CNBD1: variants seen among roughly 807,000 people sequenced by gnomAD.
The protein encoded by CNBD1 is cyclic nucleotide binding domain containing 1, also known as cyclic nucleotide-binding domain-containing protein 1.
A neutral mutation model predicts 54.4 loss-of-function variants in CNBD1; 71 were observed. That is an observed-to-expected ratio of 1.30 (90% CI 1.08 to 1.59). The LOEUF is 1.59. Among genes scored for constraint, CNBD1 ranks in the 40% most tolerant of loss-of-function variants. The pLI, the probability that CNBD1 is intolerant of heterozygous loss-of-function variation, is 0.00. For synonymous variants in CNBD1, 182 were observed against 170.7 expected, an observed-to-expected ratio of 1.07 and a Z score of -0.51; for missense variants, 659 against 518.0, an observed-to-expected ratio of 1.27 and a Z score of -2.64.
chr8:87,298,420 C>G (rs13250066), intron 8 of CNBD1, among the ~76,000 whole-genome samples: 55,677 of 151,382 alleles, frequency 0.37, 10,583 homozygotes, highest in Middle Eastern at 0.45. Flanking sequence ...TCACTACACC[C>G]TGACCCATTG....
chr8:87,405,679 C>A (rs1310560879), intron 2 of CNBD1, among the ~76,000 whole-genome samples: 1 of 152,090 alleles, frequency 6.6e-6, no homozygotes, highest in Non-Finnish European at 1.5e-5. Context: ...ATTATTCATA[C>A]TGTGTACTCT....
chr8:87,406,012 T>C (rs1313699376), intron 2 of CNBD1, among the ~76,000 whole-genome samples: 1 of 152,168 alleles, frequency 6.6e-6, no homozygotes, highest in Non-Finnish European at 1.5e-5. Flanking sequence ...ATTCTCAATA[T>C]ATTTCTCTAT....
intron 4 of CNBD1, among the ~76,000 whole-genome samples, chr8:87,145,339 T>C (rs1284865613): frequency 6.6e-6 from 1 of 152,156 alleles, no homozygotes; most frequent in African/African-American, 2.4e-5. Context: ...TTTGTACCTG[T>C]CAAAAATATC....
At chr8:87,109,544 T>TTTC (rs1563472144) in intron 4 of CNBD1, among the ~76,000 whole-genome samples, 8 of 139,292 alleles carry the variant, frequency 5.7e-5, no homozygotes, top group African/African-American at 1.8e-4. Context: ...TTCTTTCTTT[T>TTTC]TTTTTTTTTT....
At chr8:87,365,120 A>T (rs1172415092) in intron 10 of CNBD1, among the ~76,000 whole-genome samples, 5 of 152,094 alleles carry the variant, frequency 3.3e-5, no homozygotes, top group Non-Finnish European at 2.9e-5. Context: ...ACAGTGTATA[A>T]GTGTCCCCTT....
intron 2 of CNBD1, among the ~76,000 whole-genome samples, chr8:87,399,345 G>C (rs1026376034): frequency 1.3e-5 from 2 of 151,916 alleles, no homozygotes; most frequent in Non-Finnish European, 1.5e-5. Context: ...AATGATTTAG[G>C]GTCACTAGGA....
At chr8:87,186,113 C>G (rs1317524417) in intron 4 of CNBD1, among the ~76,000 whole-genome samples, 1 of 151,992 alleles carries the variant, frequency 6.6e-6, no homozygotes, top group Non-Finnish European at 1.5e-5. Flanking sequence ...ACTTGTTAAT[C>G]CATATTTAAC....
chr8:86,961,650 C>G (rs1012335560), intron 4 of CNBD1, among the ~76,000 whole-genome samples: 11 of 152,220 alleles, frequency 7.2e-5, no homozygotes, highest in Non-Finnish European at 1.2e-4. Context: ...TCAGATGTCT[C>G]TGACCTTAGG....
intron 4 of CNBD1, among the ~76,000 whole-genome samples, chr8:87,022,251 T>C (rs1809505068): frequency 6.6e-6 from 1 of 152,204 alleles, no homozygotes; most frequent in Non-Finnish European, 1.5e-5. Context: ...AGGAAAGTTT[T>C]ACAGGGTCAT....
In CNBD1 at chr8:87,237,070, C is replaced by A. The variant is rs767932359; in HGVS notation, c.729C>A (p.Asn243Lys). The part of the protein sequence containing the change: ...HSFIWSEEFK[N>K]STLAEMYLPS... ...TCATTTGGAGTGAAGAATTCAAAAA[C>A]TCTACACTTGCTGAGATGTACCTAC... The change falls in exon 6 of 11, where the codon AAC (asparagine) becomes AAA (lysine). Residue 243 changes from asparagine to lysine, a missense_variant. Physicochemically the swap from Asn to Lys is moderately conservative, Grantham distance 94. Transcript: ENST00000518476. 11 of 1,612,016 alleles carry A rather than the reference C, an allele frequency of 6.8e-6. No individual in the cohort carries two copies. The highest frequency in any genetic ancestry group is 9.3e-6 in the Non-Finnish European group (11 of 1,178,642).
intron 4 of CNBD1, among the ~76,000 whole-genome samples, chr8:86,992,051 T>G (rs1313753604): frequency 2.0e-5 from 3 of 152,100 alleles, no homozygotes; most frequent in African/African-American, 7.2e-5. Flanking sequence ...AAATTTTGAG[T>G]CTAGATGTTC....
intron 4 of CNBD1, among the ~76,000 whole-genome samples, chr8:86,958,789 C>T (rs1807849329): frequency 6.6e-6 from 1 of 152,088 alleles, no homozygotes; most frequent in South Asian, 2.1e-4. Flanking sequence ...TCCAATTTGT[C>T]AGTATGTGTC....
At chr8:86,942,433 G>C (rs1479001007) in intron 4 of CNBD1, among the ~76,000 whole-genome samples, 1 of 152,138 alleles carries the variant, frequency 6.6e-6, no homozygotes, top group Non-Finnish European at 1.5e-5. Flanking sequence ...TGGAGCATAG[G>C]ATCCTCTTCC....
At chr8:87,173,067 G>T (rs976943538) in intron 4 of CNBD1, among the ~76,000 whole-genome samples, 1 of 151,970 alleles carries the variant, frequency 6.6e-6, no homozygotes, top group Admixed American at 6.6e-5. Flanking sequence ...TTACCATCAG[G>T]ATTGTAAATA....
At chr8:87,422,336 T>C (rs1369555322) in intron 2 of CNBD1, among the ~76,000 whole-genome samples, 4 of 147,714 alleles carry the variant, frequency 2.7e-5, no homozygotes, top group Non-Finnish European at 4.5e-5. Context: ...GTTTTAGACA[T>C]GAAGTCCTTG....
chr8:87,359,118 G>A (rs1479133936), intron 10 of CNBD1, among the ~76,000 whole-genome samples: 1 of 152,120 alleles, frequency 6.6e-6, no homozygotes, highest in African/African-American at 2.4e-5. Context: ...ACATACAAAA[G>A]TGTTTCTTTT....
chr8:86,966,594 A>G (rs35422819), intron 4 of CNBD1, among the ~76,000 whole-genome samples: 7,268 of 151,920 alleles, frequency 0.048, 330 homozygotes, highest in East Asian at 0.21. Flanking sequence ...CGGTGGGTTC[A>G]TCGTCTCACT....
chr8:86,878,247 G>A (rs2131775719), intron 1 of CNBD1, among the ~76,000 whole-genome samples: 1 of 152,016 alleles, frequency 6.6e-6, no homozygotes, highest in South Asian at 2.1e-4. Context: ...TTTTCCCTTA[G>A]AGCATATTGT....
At chr8:87,385,827 G>A (rs1284375642), downstream of CNBD1, among the ~76,000 whole-genome samples, 1 of 152,126 alleles carries the variant, frequency 6.6e-6, no homozygotes, top group South Asian at 2.1e-4. Context: ...TCCTCAAGTG[G>A]GTCCCTGACC....
Sources: allele counts gnomAD v4.1 joint callset (sites outside exome capture counted in the v4.1 genomes callset), GRCh38; gene constraint gnomAD v4.1.1; transcripts MANE v1.5; gene names NCBI Gene and HGNC (gene_info 2026-07-23, HGNC 2026-07-21).